The following TNPO3 variants were observed in gnomAD, a reference collection of about 807,000 sequenced individuals.
The protein encoded by TNPO3 is transportin-3.
TNPO3 carries 65 observed loss-of-function variants against 122.8 expected under a neutral mutation model. The ratio of observed to expected loss-of-function variants is 0.53; its 90% CI spans 0.43 to 0.65. The LOEUF is 0.65. Among genes scored for constraint, TNPO3 ranks in the 30% least tolerant of loss-of-function variants. The pLI, the probability that TNPO3 is intolerant of heterozygous loss-of-function variation, is 0.00. For missense variants in TNPO3, 850 were observed against 1,136.7 expected (o/e 0.75, Z 3.63); for synonymous variants, 372 against 411.2 (o/e 0.90, Z 1.15).
At chr7:129,001,374 A>C (rs912849507) in intron 5 of TNPO3, 140 bp from the exon 6 acceptor site, 2 of 682,310 alleles carry the variant, frequency 2.9e-6, no homozygotes. Context: ...ACAATGAAAA[A>C]CACAAATTTA....
chr7:129,017,671 G>C (rs1025258776), intron 2 of TNPO3, among the ~76,000 whole-genome samples: 2 of 152,304 alleles, frequency 1.3e-5, no homozygotes, highest in African/African-American at 4.8e-5. Flanking sequence ...AATCAGCCCT[G>C]AAAGGATTTC....
At chr7:129,033,485 C>T (rs1806188632) in intron 1 of TNPO3, among the ~76,000 whole-genome samples, 1 of 152,080 alleles carries the variant, frequency 6.6e-6, no homozygotes, top group African/African-American at 2.4e-5. Context: ...AAACTAGAAC[C>T]CTTTGCATCA....
intron 21 of TNPO3, among the ~76,000 whole-genome samples, chr7:128,966,930 G>GT (rs1241137456): frequency 6.6e-6 from 1 of 152,102 alleles, no homozygotes; most frequent in African/African-American, 2.4e-5. Flanking sequence ...GCCTTACTCA[G>GT]GTACCTACAT....
intron 11 of TNPO3, among the ~76,000 whole-genome samples, chr7:128,987,614 T>C (rs891565059): frequency 2.0e-5 from 3 of 152,188 alleles, no homozygotes; most frequent in Non-Finnish European, 2.9e-5. Flanking sequence ...GGAGCCTCAC[T>C]CTGTCCCACA....
intron 13 of TNPO3, 68 bp downstream of exon 13, chr7:128,984,100 T>G: frequency 9.9e-7 from 1 of 1,010,284 alleles, no homozygotes; most frequent in Middle Eastern, 2.1e-4. Context: ...AAATAAGTAA[T>G]TTCATCTTTT....
At chr7:129,056,067 G>C (rs192536494), upstream of TNPO3, 65 of 1,169,926 alleles carry the variant, frequency 5.6e-5, no homozygotes, top group African/African-American at 8.1e-4. Context: ...GAAGATGAAC[G>C]GGCGGAAGAA....
intron 1 of TNPO3, among the ~76,000 whole-genome samples, chr7:129,051,591 C>A (rs183842370): frequency 3.4e-4 from 52 of 152,324 alleles, no homozygotes; most frequent in African/African-American, 1.2e-3. Context: ...CCACCTTGGA[C>A]TCCCAAAGTG....
At chr7:129,018,204 A>G in intron 1 of TNPO3, 47 bp from the exon 2 acceptor site, 1 of 1,575,182 alleles carries the variant, frequency 6.3e-7, no homozygotes, top group Admixed American at 1.8e-5. Flanking sequence ...CTACTTTTCT[A>G]ATTTTAATGA....
chr7:129,016,223 G>A (rs1009494857), intron 3 of TNPO3, among the ~76,000 whole-genome samples: 8 of 152,040 alleles, frequency 5.3e-5, no homozygotes, highest in Admixed American at 3.3e-4. Flanking sequence ...GCCAAACCCC[G>A]CCTCTACTGA....
chr7:128,970,054 CAG>C, intron 20 of TNPO3, 92 bp downstream of exon 20: 1 of 1,498,366 alleles, frequency 6.7e-7, no homozygotes, highest in Non-Finnish European at 9.2e-7. Context: ...GGACAGAAAA[CAG>C]GGCTAGTTTC....
At chr7:129,046,416 A>G (rs1000822003) in intron 1 of TNPO3, among the ~76,000 whole-genome samples, 4 of 152,128 alleles carry the variant, frequency 2.6e-5, no homozygotes, top group Non-Finnish European at 5.9e-5. Context: ...GAAGTTGTAT[A>G]GGAATATTTT....
At chr7:129,047,580 A>C (rs994026224) in intron 1 of TNPO3, among the ~76,000 whole-genome samples, 7 of 152,240 alleles carry the variant, frequency 4.6e-5, no homozygotes, top group Admixed American at 1.3e-4. Context: ...TTAGAGAAAG[A>C]GAAAAGATGC....
chr7:128,982,137 A>T (rs1799685576), intron 14 of TNPO3, 111 bp downstream of exon 14: 1 of 870,650 alleles, frequency 1.1e-6, no homozygotes, highest in African/African-American at 1.7e-5. Flanking sequence ...TAGTCTCCAA[A>T]CATAGGGAGA....
intron 1 of TNPO3, among the ~76,000 whole-genome samples, chr7:129,049,380 A>G (rs1563114747): frequency 1.3e-5 from 2 of 152,230 alleles, no homozygotes; most frequent in Non-Finnish European, 2.9e-5. Flanking sequence ...GCAGCTGCAT[A>G]CAACCATGCT....
chr7:129,032,169 T>C (rs879553396), intron 1 of TNPO3, among the ~76,000 whole-genome samples: 15 of 152,188 alleles, frequency 9.9e-5, no homozygotes, highest in Non-Finnish European at 1.9e-4. Flanking sequence ...CCTTTCATGA[T>C]AAAGACACTC....
At chr7:129,019,846 A>G (rs1473113379) in intron 1 of TNPO3, among the ~76,000 whole-genome samples, 1 of 152,076 alleles carries the variant, frequency 6.6e-6, no homozygotes, top group Non-Finnish European at 1.5e-5. Flanking sequence ...ATACAAAAAA[A>G]TTAGGCGGGT....
chr7:128,984,799 AAC>A (rs1322061878), intron 12 of TNPO3, among the ~76,000 whole-genome samples: 1 of 152,212 alleles, frequency 6.6e-6, no homozygotes, highest in Non-Finnish European at 1.5e-5. Context: ...ACAGCAAAGT[AAC>A]AGTTAAATTT....
Position 128,986,905 on chromosome 7 carries a change from T to C in TNPO3, c.1514A>G (p.Tyr505Cys), listed in dbSNP as rs1287148645. Residue 505 changes from tyrosine to cysteine, a missense_variant, in exon 12 of 23, where the codon TAT (tyrosine) becomes TGT (cysteine). Tyr to Cys is a radical substitution (Grantham distance 194). Coordinates refer to ENST00000265388, the MANE Select transcript of TNPO3 (RefSeq NM_012470.4). ...NPQFLDPVLG[Y>C]LMKGLCEKPL... The stretch of plus-strand genomic sequence containing the variant: ...CTTTTCACACAGGCCTTTCATCAAA[T>C]AGCCCAACACAGGGTCTAAGAAGAA... 5 of 1,612,916 alleles carry C rather than the reference T, an allele frequency of 3.1e-6. No homozygotes were observed. The African/African-American group carries it at 4.0e-5, about 13-fold the overall frequency.
intron 1 of TNPO3, among the ~76,000 whole-genome samples, chr7:129,025,391 A>C (rs1339613996): frequency 1.0e-4 from 13 of 124,618 alleles, no homozygotes; most frequent in East Asian, 7.2e-4. Context: ...AAAAAAAAAA[A>C]AAAAAACCAG....
Sources: allele counts gnomAD v4.1 joint callset (sites outside exome capture counted in the v4.1 genomes callset), GRCh38; gene constraint gnomAD v4.1.1; transcripts MANE v1.5; gene names NCBI Gene and HGNC (gene_info 2026-07-23, HGNC 2026-07-21).